The following DDIAS variants were observed in gnomAD, a reference collection of about 807,000 sequenced individuals.
DDIAS encodes DNA damage-induced apoptosis suppressor protein.
DDIAS carries 14 observed loss-of-function variants against 15.7 expected under a neutral mutation model. The observed-to-expected ratio is 0.89, with a 90% confidence interval of 0.59 to 1.39. DDIAS has a LOEUF of 1.39. DDIAS is among the 40% of genes most tolerant of loss of function. The probability of loss-of-function intolerance (pLI) is 0.00; values close to 1 mark genes in which losing one functional copy is unlikely to be tolerated. For synonymous variants in DDIAS, 355 were observed against 395.9 expected (o/e 0.90, Z 1.23); for missense variants, 1,035 against 1,130.9 (o/e 0.92, Z 1.22).
chr11:82,907,383 G>T (rs1860452271), intron 1 of DDIAS, among the ~76,000 whole-genome samples: 1 of 152,156 alleles, frequency 6.6e-6, no homozygotes, highest in Non-Finnish European at 1.5e-5. Context: ...ATAGTATATG[G>T]TGTAGAAAAA....
chr11:82,912,843 T>C (rs1477488340), intron 1 of DDIAS, among the ~76,000 whole-genome samples: 1 of 152,210 alleles, frequency 6.6e-6, no homozygotes, highest in African/African-American at 2.4e-5. Context: ...TCCTTTCACC[T>C]GAACACCTAG....
chr11:82,920,102 T>G lies in DDIAS; in HGVS notation c.113+5251T>G, dbSNP rs146370728. Among the ~76,000 whole-genome samples, 62 of 152,302 alleles carry G rather than the reference T, an allele frequency of 4.1e-4. 1 individual carries two copies. Among genetic ancestry groups the G allele is most frequent in the African/African-American group, 1.3e-3 (55 of 41,574 alleles). On this transcript the variant is annotated intron_variant, in intron 3 of 5. Transcript: ENST00000533655. ...GTTCAGGGTATCTAATTCTTCCTGA[T>G]TTAAGCTAGGAGGGTTGTATTTTTC...
At position 82,932,563 on chromosome 11, in the gene DDIAS, G is replaced by C. The variant is rs1362143568; in HGVS notation, c.1225G>C (p.Asp409His). 6.2e-7 allele frequency: 1 copy of C among 1,614,174 alleles called. No homozygotes were observed. The highest frequency in any genetic ancestry group is 1.1e-5 in the South Asian group (1 of 91,082). The change falls in exon 6 of 6, where the codon GAC becomes CAC. Residue 409 changes from aspartate to histidine, a missense_variant. Transcript: ENST00000533655. Reference protein sequence around the residue: ...EETASSSQDGDPQIWDDLPFS... With the variant: ...EETASSSQDGHPQIWDDLPFS... ...GACAGCCAGCAGTTCCCAGGATGGT[G>C]ACCCTCAAATTTGGGATGATCTGCC...
rs1466879900 is a variant in DDIAS at position 82,932,768 on chromosome 11, T to C, written c.1430T>C (p.Ile477Thr). Residue 477 changes from isoleucine (I) to threonine (T), a missense_variant, in exon 6 of 6, where the codon ATA (isoleucine) becomes ACA (threonine). Transcript: ENST00000533655. ...ACTGGAGCCCTGCATACACCACCTATAGCTTTAAGATCATCACAAGTAATA... is the reference window on the plus strand; with the variant it reads ...ACTGGAGCCCTGCATACACCACCTACAGCTTTAAGATCATCACAAGTAATA... Reference protein sequence around the residue: ...RTTGALHTPPIALRSSQVIVK... With the variant: ...RTTGALHTPPTALRSSQVIVK... 1.2e-6 allele frequency: 2 copies of C among 1,613,896 alleles called. No homozygotes were observed. Among genetic ancestry groups the C allele is most frequent in the Non-Finnish European group, 1.7e-6 (2 of 1,180,014 alleles).
At chr11:82,930,991 C>T (rs1344598317) in intron 5 of DDIAS, among the ~76,000 whole-genome samples, 1 of 152,058 alleles carries the variant, frequency 6.6e-6, no homozygotes, top group Non-Finnish European at 1.5e-5. Flanking sequence ...CCTTTTTCCC[C>T]TCCCCTCCCC....
intron 3 of DDIAS, among the ~76,000 whole-genome samples, chr11:82,917,348 T>C (rs1433649911): frequency 1.3e-5 from 2 of 150,176 alleles, no homozygotes; most frequent in Non-Finnish European, 3.0e-5. Context: ...ATTCTTATGC[T>C]TTTGCATCCT....
intron 3 of DDIAS, among the ~76,000 whole-genome samples, chr11:82,926,710 C>G (rs1324327879): frequency 6.6e-6 from 1 of 152,182 alleles, no homozygotes; most frequent in African/African-American, 2.4e-5. Context: ...TTCATTTTAA[C>G]AAGATCTCTG....
intron 3 of DDIAS, among the ~76,000 whole-genome samples, chr11:82,915,877 A>G (rs778764886): frequency 2.6e-5 from 4 of 152,236 alleles, no homozygotes; most frequent in Non-Finnish European, 5.9e-5. Flanking sequence ...TGTGGTATAC[A>G]GTCCTTACTT....
At position 82,906,878 on chromosome 11, in the gene DDIAS, T is replaced by C. The variant is rs527506679; in HGVS notation, c.-117+5056T>C. On this transcript the variant is annotated intron_variant, in intron 1 of 5. Coordinates refer to ENST00000533655, the MANE Select transcript of DDIAS (RefSeq NM_145018.4). Reference sequence around the variant, plus strand: ...TTATATTTAACGCTATGTGACAAAATTGTGGCTTGGGAAGAGGAAATGCAA... The same window carrying C: ...TTATATTTAACGCTATGTGACAAAACTGTGGCTTGGGAAGAGGAAATGCAA... Among the ~76,000 whole-genome samples the C allele has an allele frequency of 1.3e-4, 20 of 152,274 alleles. No individual in the cohort carries two copies. The East Asian group carries it at 1.9e-3, about 15-fold the overall frequency.
At chr11:82,906,397 A>T (rs1233420318) in intron 1 of DDIAS, among the ~76,000 whole-genome samples, 1 of 152,188 alleles carries the variant, frequency 6.6e-6, no homozygotes, top group Non-Finnish European at 1.5e-5. Context: ...AAGACAATGT[A>T]ACCAACCTTC....
At chr11:82,925,726 C>G (rs1440424118) in intron 3 of DDIAS, among the ~76,000 whole-genome samples, 5 of 152,162 alleles carry the variant, frequency 3.3e-5, no homozygotes, top group Non-Finnish European at 7.3e-5. Flanking sequence ...CGGTGGCTCA[C>G]ACCTGTAATC....
intron 1 of DDIAS, among the ~76,000 whole-genome samples, chr11:82,902,227 A>G (rs1484277473): frequency 6.6e-6 from 1 of 152,190 alleles, no homozygotes; most frequent in Non-Finnish European, 1.5e-5. Flanking sequence ...ATTTTAACTG[A>G]GCCATGTGCT....
intron 1 of DDIAS, among the ~76,000 whole-genome samples, chr11:82,911,647 TC>T: frequency 6.6e-6 from 1 of 152,298 alleles, no homozygotes; most frequent in Non-Finnish European, 1.5e-5. Flanking sequence ...TCTTCCAAAC[TC>T]CAATTAGTGT....
At chr11:82,902,391 C>G (rs1036419860) in intron 1 of DDIAS, among the ~76,000 whole-genome samples, 1 of 151,868 alleles carries the variant, frequency 6.6e-6, no homozygotes, top group African/African-American at 2.4e-5. Context: ...AGTAACCCCC[C>G]CCTCCCCCGC....
rs569216870 is a variant in DDIAS at position 82,915,912 on chromosome 11, G to T, written c.113+1061G>T. ...TAATGTTGTTGGATTCTTAGACACC[G>T]CAACTTTACGCAAAATGATGTATAA... On this transcript the variant is annotated intron_variant, in intron 3 of 5. Transcript: ENST00000533655. Among the ~76,000 whole-genome samples the T allele has an allele frequency of 1.2e-4, 19 of 152,204 alleles. No individual in the cohort carries two copies. The South Asian group carries it at 3.5e-3, about 28-fold the overall frequency.
chr11:82,932,499 A>T lies in DDIAS; in HGVS notation c.1161A>T (p.Arg387Ser). 2 of 1,614,172 alleles carry T rather than the reference A, an allele frequency of 1.2e-6. No individual in the cohort carries two copies. The highest frequency in any genetic ancestry group is 1.1e-5 in the South Asian group (1 of 91,072). Residue 387 changes from arginine to serine, a missense_variant, in exon 6 of 6, where the codon AGA (arginine) becomes AGT (serine). Arg to Ser is a moderately radical substitution (Grantham distance 110, BLOSUM62 -1). Transcript: ENST00000533655. Reference protein sequence around the residue: ...GIDTPTSLQKRSACCPPSLLR... With the variant: ...GIDTPTSLQKSSACCPPSLLR... Reference sequence around the variant, plus strand: ...ATACCCCAACTAGCCTTCAGAAGAGATCTGCATGTTGTCCACCTTCGTTAC... The same window carrying T: ...ATACCCCAACTAGCCTTCAGAAGAGTTCTGCATGTTGTCCACCTTCGTTAC...
At chr11:82,904,799 G>A (rs1860393169) in intron 1 of DDIAS, among the ~76,000 whole-genome samples, 1 of 152,116 alleles carries the variant, frequency 6.6e-6, no homozygotes, top group Non-Finnish European at 1.5e-5. Context: ...TATATATCTG[G>A]TACCACTGAC....
intron 1 of DDIAS, among the ~76,000 whole-genome samples, chr11:82,910,279 CTTTTTTTTTT>C (rs71063240): frequency 2.3e-5 from 3 of 129,860 alleles, no homozygotes; most frequent in Non-Finnish European, 4.9e-5. Flanking sequence ...ACAAACCAAC[CTTTTTTTTTT>C]TTTTTTTTTG....
Position 82,930,154 on chromosome 11 carries a change from AAGGTACATTC to A in DDIAS, c.277_286del (p.Tyr93IlefsTer18). 2 of 1,509,264 alleles carry A rather than the reference AAGGTACATTC, an allele frequency of 1.3e-6. No homozygotes were observed. Among genetic ancestry groups the A allele is most frequent in the South Asian group, 2.4e-5 (2 of 82,990 alleles). 93.5% of individuals were successfully genotyped at this position (1,509,264 alleles called of 1,614,324 possible). ...CACATTTTTTACTTTTTTTCCAATC[AAGGTACATTC>A]AGGATCCTAATAAAATTCCAGAAAC... On this transcript the variant is annotated splice_acceptor_variant and coding_sequence_variant, in exon 5 of 6. Coordinates refer to ENST00000533655, the MANE Select transcript of DDIAS (RefSeq NM_145018.4). LOFTEE classifies it high-confidence loss of function.
Sources: gnomAD v4.1 joint callset for allele counts (sites outside exome capture counted in the v4.1 genomes callset) on GRCh38, gnomAD v4.1.1 for gene constraint, MANE v1.5 for transcripts, NCBI Gene and HGNC (gene_info 2026-07-23, HGNC 2026-07-21) for gene names.